RBFOX1: variants seen among roughly 807,000 people sequenced by gnomAD.
The protein encoded by RBFOX1 is RNA binding fox-1 homolog 1.
Under a neutral mutation model 57.7 loss-of-function variants are expected in RBFOX1, and 8 were observed. That is an observed-to-expected ratio of 0.14 (90% CI 0.08 to 0.25). RBFOX1 has a LOEUF of 0.25. RBFOX1 is among the 10% of genes least tolerant of loss of function. The pLI is 1.00. For synonymous variants in RBFOX1, 326 were observed against 222.4 expected (o/e 1.47, Z -4.15); for missense variants, 611 against 548.5 (o/e 1.11, Z -1.14).
intron 1 of RBFOX1, among the ~76,000 whole-genome samples, chr16:5,389,149 C>T (rs558711254): frequency 3.3e-5 from 5 of 151,862 alleles, no homozygotes; most frequent in African/African-American, 1.2e-4. Context: ...CGAGATCGCG[C>T]CACTGCACTC....
intron 2 of RBFOX1, among the ~76,000 whole-genome samples, chr16:6,602,300 A>C (rs147684995): frequency 7.2e-4 from 109 of 151,866 alleles, no homozygotes; most frequent in African/African-American, 2.5e-3. Flanking sequence ...AGTGTCTTTG[A>C]TTTGCTAAAG....
chr16:5,275,229 C>T (rs1425575653), intron 1 of RBFOX1, among the ~76,000 whole-genome samples: 1 of 152,128 alleles, frequency 6.6e-6, no homozygotes, highest in Non-Finnish European at 1.5e-5. Flanking sequence ...TACATTTGTG[C>T]AATGAGTAAT....
chr16:6,497,418 G>A (rs2095800774), intron 2 of RBFOX1, among the ~76,000 whole-genome samples: 1 of 152,146 alleles, frequency 6.6e-6, no homozygotes, highest in Non-Finnish European at 1.5e-5. Context: ...TCTGTAGATA[G>A]TCACTTCTCA....
chr16:5,941,986 A>G (rs1004472632), intron 4 of RBFOX1, among the ~76,000 whole-genome samples: 3 of 151,752 alleles, frequency 2.0e-5, no homozygotes, highest in African/African-American at 7.3e-5. Context: ...CATATCTGAC[A>G]CTGAAACCTG....
At chr16:5,334,058 T>G (rs9931590) in intron 1 of RBFOX1, among the ~76,000 whole-genome samples, 13,607 of 151,246 alleles carry the variant, frequency 0.09, 2,015 homozygotes, top group African/African-American at 0.32. Flanking sequence ...GGCCGATTTC[T>G]GTCAGGAGTA....
At chr16:6,161,485 A>G (rs1360985749) in intron 1 of RBFOX1, among the ~76,000 whole-genome samples, 1 of 152,062 alleles carries the variant, frequency 6.6e-6, no homozygotes, top group African/African-American at 2.4e-5. Context: ...AAAATAGCCC[A>G]CACAAGGGAA....
chr16:6,567,945 C>T (rs1185267183), intron 2 of RBFOX1, among the ~76,000 whole-genome samples: 3 of 152,094 alleles, frequency 2.0e-5, no homozygotes, highest in Non-Finnish European at 2.9e-5. Flanking sequence ...CTCAGCCTCC[C>T]GAGTAGCTGG....
intron 4 of RBFOX1, among the ~76,000 whole-genome samples, chr16:7,384,923 CAG>C (rs374824100): frequency 1.1e-3 from 165 of 152,252 alleles, no homozygotes; most frequent in African/African-American, 3.6e-3. Flanking sequence ...ATAATTAAAA[CAG>C]AGAGTGGTGG....
intron 4 of RBFOX1, among the ~76,000 whole-genome samples, chr16:7,145,927 C>T (rs533896942): frequency 2.6e-4 from 40 of 152,254 alleles, no homozygotes; most frequent in African/African-American, 9.1e-4. Flanking sequence ...GGCGGAGTAG[C>T]CGTAGTGGAC....
chr16:6,555,351 T>C (rs1169400705), intron 2 of RBFOX1, among the ~76,000 whole-genome samples: 1 of 152,152 alleles, frequency 6.6e-6, no homozygotes, highest in East Asian at 1.9e-4. Flanking sequence ...GAAAGCTTGA[T>C]GAAATATGGG....
chr16:6,390,495 G>T (rs1474169332), intron 2 of RBFOX1, among the ~76,000 whole-genome samples: 1 of 150,742 alleles, frequency 6.6e-6, no homozygotes, highest in Non-Finnish European at 1.5e-5. Flanking sequence ...ATAAAATAGA[G>T]AACAAAAAAC....
chr16:6,782,259 G>C (rs2081159130), intron 3 of RBFOX1, among the ~76,000 whole-genome samples: 1 of 152,032 alleles, frequency 6.6e-6, no homozygotes, highest in Admixed American at 6.5e-5. Flanking sequence ...CCCACCTCGG[G>C]CTCCCAAAGT....
At chr16:5,463,364 CTT>C (rs765199473) in intron 1 of RBFOX1, among the ~76,000 whole-genome samples, 2 of 152,096 alleles carry the variant, frequency 1.3e-5, no homozygotes, top group Non-Finnish European at 2.9e-5. Flanking sequence ...AAGCTGATCT[CTT>C]TATTCTCCTC....
intron 4 of RBFOX1, among the ~76,000 whole-genome samples, chr16:5,932,323 C>T (rs772724428): frequency 8.5e-5 from 13 of 152,218 alleles, no homozygotes; most frequent in Admixed American, 2.0e-4. Flanking sequence ...CTGCCCTTGT[C>T]TGACAGCTGC....
At chr16:7,101,130 A>G (rs1383744733) in intron 4 of RBFOX1, among the ~76,000 whole-genome samples, 1 of 152,196 alleles carries the variant, frequency 6.6e-6, no homozygotes, top group Non-Finnish European at 1.5e-5. Context: ...GCACTAAACG[A>G]TGCCTGCCGT....
At position 7,712,567 on chromosome 16, in the gene RBFOX1, G is replaced by A. The variant is rs372860480; in HGVS notation, c.*1822G>A. 4.6e-5 allele frequency: 7 copies of A among 152,550 alleles called. No homozygotes were observed. The highest frequency in any genetic ancestry group is 3.9e-4 in the East Asian group (2 of 5,176). 9.4% of individuals were successfully genotyped at this position (152,550 alleles called of 1,614,324 possible). ...ATCTTGAAAAGAGAAAAGGGGGAGG[G>A]GGGAGCTACTTATCAGCCAAAAGCA... is the stretch of plus-strand genomic sequence containing the variant. On this transcript the variant is annotated 3_prime_UTR_variant, in exon 16 of 16. Transcript: ENST00000550418.
At chr16:6,890,402 C>T (rs150453830) in intron 3 of RBFOX1, among the ~76,000 whole-genome samples, 2 of 152,120 alleles carry the variant, frequency 1.3e-5, no homozygotes, top group African/African-American at 4.8e-5. Flanking sequence ...ACCTGTAGTC[C>T]CAGCCACTTG....
intron 1 of RBFOX1, among the ~76,000 whole-genome samples, chr16:6,307,677 G>A (rs2079690906): frequency 6.8e-6 from 1 of 146,226 alleles, no homozygotes; most frequent in Non-Finnish European, 1.5e-5. Context: ...TAATATTTAT[G>A]TATTTTTATA....
chr16:7,680,859 C>T (rs902845420), intron 14 of RBFOX1, among the ~76,000 whole-genome samples: 4 of 151,928 alleles, frequency 2.6e-5, no homozygotes, highest in African/African-American at 9.7e-5. Flanking sequence ...TAATAGAAAT[C>T]CAAATAAAAT....
Sources: gnomAD v4.1 joint callset for allele counts (sites outside exome capture counted in the v4.1 genomes callset) on GRCh38, gnomAD v4.1.1 for gene constraint, MANE v1.5 for transcripts, NCBI Gene and HGNC (gene_info 2026-07-23, HGNC 2026-07-21) for gene names.